Variants in TOP3A observed in about 807,000 individuals in gnomAD.
TOP3A encodes the protein DNA topoisomerase 3-alpha.
TOP3A carries 64 observed loss-of-function variants against 111.3 expected under a neutral mutation model. That is an observed-to-expected ratio of 0.57 (90% CI 0.47 to 0.71). The LOEUF (loss-of-function observed/expected upper bound fraction) is 0.71. Ranked by LOEUF, TOP3A falls within the 30% of genes least tolerant of loss-of-function variation. The pLI is 0.00. For synonymous variants in TOP3A, 484 were observed against 485.1 expected (o/e 1.00, Z 0.03); for missense variants, 1,104 against 1,285.0 (o/e 0.86, Z 2.15).
chr17:18,285,269 G>T lies in TOP3A; in HGVS notation c.1750C>A (p.Leu584Ile), dbSNP rs1980016452. The change falls in exon 15 of 19, where the codon CTC becomes ATC. Residue 584 changes from leucine (L) to isoleucine (I), a missense_variant. By Grantham distance (5) the Leu-to-Ile change is conservative. Coordinates refer to ENST00000321105, the MANE Select transcript of TOP3A (RefSeq NM_004618.5). ...AGATCAGCTTCCAGTTCAGCCCGGAGGTCAGGCTTAGACATTTCATAGCCC... is the reference window on the plus strand; with the variant it reads ...AGATCAGCTTCCAGTTCAGCCCGGATGTCAGGCTTAGACATTTCATAGCCC... Reference protein sequence around the residue: ...SMGYEMSKPDLRAELEADLKL... With the variant: ...SMGYEMSKPDIRAELEADLKL... 6.2e-7 allele frequency: 1 copy of T among 1,614,066 alleles called. No individual in the cohort carries two copies. Among genetic ancestry groups the T allele is most frequent in the Non-Finnish European group, 8.5e-7 (1 of 1,180,050 alleles).
intron 16 of TOP3A, among the ~76,000 whole-genome samples, chr17:18,282,019 T>C (rs772835410): frequency 1.3e-5 from 2 of 152,168 alleles, no homozygotes; most frequent in Admixed American, 1.3e-4. Flanking sequence ...TGATGAATGA[T>C]GGCTGCCACC....
chr17:18,309,883 T>C lies in TOP3A; in HGVS notation c.181-942A>G, dbSNP rs192477517. On this transcript the variant is annotated intron_variant, in intron 1 of 18. Coordinates refer to ENST00000321105, the MANE Select transcript of TOP3A (RefSeq NM_004618.5). ...TGCCACCACGCCCGGCTAATTTTTTTGTATTTTTAGTAGAGATGGGGTTTC... is the reference window on the plus strand; with the variant it reads ...TGCCACCACGCCCGGCTAATTTTTTCGTATTTTTAGTAGAGATGGGGTTTC... 2.7e-3 allele frequency among the ~76,000 whole-genome samples: 411 copies of C among 150,668 alleles called. 5 individuals are homozygous for C. The highest frequency in any genetic ancestry group is 9.3e-3 in the African/African-American group (384 of 41,188).
intron 9 of TOP3A, among the ~76,000 whole-genome samples, chr17:18,298,529 G>C (rs1189564388): frequency 7.0e-6 from 1 of 141,948 alleles, no homozygotes; most frequent in Non-Finnish European, 1.5e-5. Flanking sequence ...CCCTCTGCCC[G>C]GCCACCACCC....
chr17:18,306,578 G>A (rs2142989746), intron 4 of TOP3A: 1 of 238,234 alleles, frequency 4.2e-6, no homozygotes, highest in Non-Finnish European at 8.3e-6. Context: ...ATGTTGCCCA[G>A]GCTGGTCTCA....
At chr17:18,286,096 A>C (rs1207692831) in intron 13 of TOP3A, among the ~76,000 whole-genome samples, 1 of 151,836 alleles carries the variant, frequency 6.6e-6, no homozygotes, top group Non-Finnish European at 1.5e-5. Context: ...GCTGCTCAGG[A>C]GGCTGAGGCA....
chr17:18,277,694 G>C lies in TOP3A; in HGVS notation c.2808C>G (p.Val936=). ...CCTCACCTGGAGCGGTGTTCTCATCGACCCACTGGAAAAAGCCACACTGCT... is the reference window on the plus strand; with the variant it reads ...CCTCACCTGGAGCGGTGTTCTCATCCACCCACTGGAAAAAGCCACACTGCT... ...REQQCGFFQW[V]DENTAPGTSG... is the part of the protein sequence containing the mutation. The change falls in exon 18 of 19, where the codon GTC becomes GTG. Residue 936 remains valine, a synonymous_variant. Coordinates refer to ENST00000321105, the MANE Select transcript of TOP3A (RefSeq NM_004618.5). The C allele has an allele frequency of 1.2e-6, 2 of 1,609,912 alleles. No homozygotes were observed. Among genetic ancestry groups the C allele is most frequent in the Non-Finnish European group, 1.7e-6 (2 of 1,176,606 alleles).
chr17:18,288,152 T>TATATATATATATA (rs1567739496), intron 13 of TOP3A, among the ~76,000 whole-genome samples: 3 of 120,432 alleles, frequency 2.5e-5, no homozygotes, highest in Non-Finnish European at 5.1e-5. Flanking sequence ...TATATATAAA[T>TATATATATATATA]TTTTTTTTTT....
rs372563590 is a variant in TOP3A, at chr17:18,299,641, G to C, written c.916-8C>G. 36 of 1,613,530 alleles carry C rather than the reference G, an allele frequency of 2.2e-5. No individual in the cohort carries two copies. The highest frequency in any genetic ancestry group is 4.0e-5 in the African/African-American group (3 of 74,924). On this transcript the variant is annotated splice_polypyrimidine_tract_variant and splice_region_variant and intron_variant, in intron 8 of 18. Transcript: ENST00000321105. Reference sequence around the variant, plus strand: ...CACAGTTGCCATGGGATCCTAGAAAGCCAGGAAAGAAAAGACCATGTTAAC... The same window carrying C: ...CACAGTTGCCATGGGATCCTAGAAACCCAGGAAAGAAAAGACCATGTTAAC...
chr17:18,286,706 A>C (rs1567738665), intron 13 of TOP3A, among the ~76,000 whole-genome samples: 1 of 152,202 alleles, frequency 6.6e-6, no homozygotes, highest in South Asian at 2.1e-4. Context: ...TAAAAATGTT[A>C]AATGTAGAGT....
rs1346269892 is a variant in TOP3A at position 18,284,360 on chromosome 17, A to C, written c.1877+782T>G. Among the ~76,000 whole-genome samples the C allele has an allele frequency of 2.0e-5, 3 of 152,074 alleles. No individual in the cohort carries two copies. In the East Asian group the frequency reaches 5.8e-4, roughly 29 times the overall value. On this transcript the variant is annotated intron_variant, in intron 15 of 18. Coordinates refer to ENST00000321105, the MANE Select transcript of TOP3A (RefSeq NM_004618.5). The stretch of plus-strand genomic sequence containing the variant: ...ATTTATTACTTAGGCATGATTGACA[A>C]ATCACTGGCCACGTGTGATCAACTC...
rs752985378 is a variant in TOP3A, at chr17:18,302,314, C to T, written c.764G>A (p.Arg255Gln). 3.7e-6 allele frequency: 6 copies of T among 1,613,064 alleles called. No individual in the cohort carries two copies. The highest frequency in any genetic ancestry group is 1.3e-5 in the African/African-American group (1 of 74,974). ...TACAAAAGCCTGAATGGCTTTGAACCGCTCCACCACAAAGCCCAGTGTGGG... is the reference window on the plus strand; with the variant it reads ...TACAAAAGCCTGAATGGCTTTGAACTGCTCCACCACAAAGCCCAGTGTGGG... Reference protein sequence around the residue: ...QFPTLGFVVERFKAIQAFVPE... With the variant: ...QFPTLGFVVEQFKAIQAFVPE... Residue 255 changes from arginine to glutamine, a missense_variant, in exon 7 of 19, where the codon CGG (arginine) becomes CAG (glutamine). Physicochemically the swap from Arg to Gln is conservative, Grantham distance 43. Transcript: ENST00000321105.
At chr17:18,307,049 G>C in intron 3 of TOP3A, 83 bp from the exon 4 acceptor site, 1 of 936,034 alleles carries the variant, frequency 1.1e-6, no homozygotes, top group Non-Finnish European at 1.7e-6. Flanking sequence ...TGTTCCAATG[G>C]GTTCATGGTG....
intron 15 of TOP3A, 77 bp downstream of exon 15, chr17:18,285,065 G>T (rs1980000053): frequency 6.5e-7 from 1 of 1,535,988 alleles, no homozygotes; most frequent in Admixed American, 1.7e-5. Flanking sequence ...GAGGTGGGAA[G>T]ATCTCTTGAG....
chr17:18,305,484 A>ACGCGCGCG (rs780995241), intron 4 of TOP3A, among the ~76,000 whole-genome samples: 1 of 147,882 alleles, frequency 6.8e-6, no homozygotes, highest in South Asian at 2.2e-4. Flanking sequence ...TAACACACAC[A>ACGCGCGCG]CACGCGCGCG....
intron 1 of TOP3A, 63 bp from the exon 2 acceptor site, chr17:18,309,004 ATTCT>A: frequency 1.1e-6 from 1 of 896,552 alleles, no homozygotes; most frequent in South Asian, 2.1e-5. Context: ...CCTTTGTATA[ATTCT>A]TTCTGATCCT....
At position 18,287,770 on chromosome 17, in the gene TOP3A, G is replaced by A. The variant is rs550452547; in HGVS notation, c.1598-2250C>T. Among the ~76,000 whole-genome samples the A allele has an allele frequency of 6.6e-4, 100 of 152,034 alleles. 1 individual carries two copies. The highest frequency in any genetic ancestry group is 2.2e-3 in the African/African-American group (91 of 41,482). On this transcript the variant is annotated intron_variant, in intron 13 of 18. Transcript: ENST00000321105. Reference sequence around the variant, plus strand: ...AACACTTTGGGAGGCCTAGGTGGGCGGATCATGAGGTCAGGAGTTTGAGAC... The same window carrying A: ...AACACTTTGGGAGGCCTAGGTGGGCAGATCATGAGGTCAGGAGTTTGAGAC...
chr17:18,308,427 G>A lies in TOP3A; in HGVS notation c.241-3C>T, dbSNP rs770668384. 1.3e-6 allele frequency: 2 copies of A among 1,584,724 alleles called. No individual in the cohort carries two copies. Among genetic ancestry groups the A allele is most frequent in the East Asian group, 2.3e-5 (1 of 44,266 alleles). On this transcript the variant is annotated splice_region_variant and splice_polypyrimidine_tract_variant and intron_variant, in intron 2 of 18. Transcript: ENST00000321105. ...GAAGTCATTACCATGGTAACATTCTGAATGATGACAAAATTCAAAATTCAG... is the reference window on the plus strand; with the variant it reads ...GAAGTCATTACCATGGTAACATTCTAAATGATGACAAAATTCAAAATTCAG...
intron 9 of TOP3A, among the ~76,000 whole-genome samples, chr17:18,295,835 C>T (rs1980766366): frequency 6.7e-6 from 1 of 149,874 alleles, no homozygotes; most frequent in Non-Finnish European, 1.5e-5. Context: ...GGCGTGATCT[C>T]GGCTCACTGT....
At chr17:18,304,753 CAACAACAACAAAAAGAATAT>C (rs1981451544) in intron 5 of TOP3A, among the ~76,000 whole-genome samples, 1 of 152,008 alleles carries the variant, frequency 6.6e-6, no homozygotes, top group Non-Finnish European at 1.5e-5. Context: ...ATAACAACAA[CAACAACAACAAAAAGAATAT>C]AAAGTCCCTG....
Sources: gnomAD v4.1 joint callset for allele counts (sites outside exome capture counted in the v4.1 genomes callset) on GRCh38, gnomAD v4.1.1 for gene constraint, MANE v1.5 for transcripts, NCBI Gene and HGNC (gene_info 2026-07-23, HGNC 2026-07-21) for gene names.